PIK3C2G: variants seen among roughly 807,000 people sequenced by gnomAD.
PIK3C2G encodes the protein phosphatidylinositol-4-phosphate 3-kinase catalytic subunit type 2 gamma.
In PIK3C2G, 168 loss-of-function variants were observed where a neutral mutation model predicts 181.1. The observed-to-expected ratio is 0.93, with a 90% CI of 0.82 to 1.05. PIK3C2G has a LOEUF of 1.05. PIK3C2G is among the 50% of genes least tolerant of loss of function. The pLI, the probability that PIK3C2G is intolerant of heterozygous loss-of-function variation, is 0.00. For synonymous variants in PIK3C2G, 573 were observed against 592.2 expected (o/e 0.97, Z 0.47); for missense variants, 1,869 against 1,732.8 (o/e 1.08, Z -1.40).
chr12:18,538,326 G>T lies in PIK3C2G; in HGVS notation c.3480+14G>T. On this transcript the variant is annotated intron_variant, in intron 25 of 32. Coordinates refer to ENST00000538779, the MANE Select transcript of PIK3C2G (RefSeq NM_001288772.2). ...CTGCTGGAAATGGTAAGTCCCTTGGGAAAAAAAAACAAAAATAATAAGCTT... is the reference window on the plus strand; with the variant it reads ...CTGCTGGAAATGGTAAGTCCCTTGGTAAAAAAAAACAAAAATAATAAGCTT... The T allele has an allele frequency of 6.6e-7, 1 of 1,512,246 alleles. No individual in the cohort carries two copies. The highest frequency in any genetic ancestry group is 8.9e-7 in the Non-Finnish European group (1 of 1,125,678). 93.7% of individuals were successfully genotyped at this position (1,512,246 alleles called of 1,614,324 possible).
rs1949661569 is a variant in PIK3C2G, at chr12:18,290,873, T to C, written c.780T>C (p.His260=). The C allele has an allele frequency of 1.2e-6, 2 of 1,603,160 alleles. No individual in the cohort carries two copies. The highest frequency in any genetic ancestry group is 1.7e-6 in the Non-Finnish European group (2 of 1,170,950). Residue 260 remains histidine, a synonymous_variant, in exon 4 of 33, where the codon CAT becomes CAC. Coordinates refer to ENST00000538779, the MANE Select transcript of PIK3C2G (RefSeq NM_001288772.2). ...TTTTCAGAATCAGAGAAAGATATCATGCAGCTGATGTTAATTTCAATTCTG... is the reference window on the plus strand; with the variant it reads ...TTTTCAGAATCAGAGAAAGATATCACGCAGCTGATGTTAATTTCAATTCTG... ...NKVKKIRERY[H]AADVNFNSGK... is the part of the protein sequence containing the mutation.
At chr12:18,596,156 A>G (rs1947348859) in intron 30 of PIK3C2G, among the ~76,000 whole-genome samples, 1 of 152,070 alleles carries the variant, frequency 6.6e-6, no homozygotes, top group Non-Finnish European at 1.5e-5. Context: ...GTAGCATGGC[A>G]TTTGTAAAAT....
chr12:18,490,616 G>A (rs1266211665), intron 19 of PIK3C2G, among the ~76,000 whole-genome samples: 2 of 152,080 alleles, frequency 1.3e-5, no homozygotes, highest in African/African-American at 4.8e-5. Flanking sequence ...TCACAGATAA[G>A]TGAGAACATG....
At chr12:18,380,058 CT>C (rs1317265301) in intron 13 of PIK3C2G, among the ~76,000 whole-genome samples, 1 of 152,176 alleles carries the variant, frequency 6.6e-6, no homozygotes, top group African/African-American at 2.4e-5. Flanking sequence ...AGGTGATTTC[CT>C]TCCAGGATCT....
chr12:18,710,656 G>A, the PIK3C2G span, among the ~76,000 whole-genome samples: 2 of 152,068 alleles, frequency 1.3e-5, no homozygotes, highest in East Asian at 1.9e-4. Context: ...TTAAATGAGA[G>A]GTGATGTTGG....
the PIK3C2G span, among the ~76,000 whole-genome samples, chr12:18,678,486 G>A: frequency 6.6e-6 from 1 of 152,036 alleles, no homozygotes; most frequent in South Asian, 2.1e-4. Flanking sequence ...AAAATTTCTT[G>A]TGGCTCCTTT....
At chr12:18,321,217 G>T (rs1166614538) in intron 7 of PIK3C2G, among the ~76,000 whole-genome samples, 185 bp downstream of exon 7, 1 of 152,160 alleles carries the variant, frequency 6.6e-6, no homozygotes, top group Admixed American at 6.5e-5. Flanking sequence ...CATATTTGAA[G>T]AGCTGCTAAC....
chr12:18,452,419 C>T (rs1947412543), intron 18 of PIK3C2G, among the ~76,000 whole-genome samples: 1 of 151,326 alleles, frequency 6.6e-6, no homozygotes. Context: ...TGGTGATATC[C>T]CCTTTATCAT....
chr12:18,634,983 C>G (rs1949524173), intron 31 of PIK3C2G, among the ~76,000 whole-genome samples: 1 of 152,186 alleles, frequency 6.6e-6, no homozygotes, highest in African/African-American at 2.4e-5. Context: ...AAACCACTGG[C>G]TGCAACCCAT....
chr12:18,491,587 G>T (rs1940573703), intron 20 of PIK3C2G, 29 bp downstream of exon 20: 3 of 1,242,632 alleles, frequency 2.4e-6, no homozygotes, highest in South Asian at 2.5e-5. Flanking sequence ...CAGATTAATG[G>T]AATATTTCTG....
the PIK3C2G span, among the ~76,000 whole-genome samples, chr12:18,699,483 C>T: frequency 6.6e-6 from 1 of 152,104 alleles, no homozygotes; most frequent in Non-Finnish European, 1.5e-5. Context: ...TTCGGCTCTG[C>T]CTCCCTCTGC....
At chr12:18,539,997 C>T (rs1781189514) in intron 25 of PIK3C2G, among the ~76,000 whole-genome samples, 1 of 151,552 alleles carries the variant, frequency 6.6e-6, no homozygotes, top group Non-Finnish European at 1.5e-5. Context: ...GTCTGTACCA[C>T]AAACAAACAA....
At chr12:18,683,476 A>G in the PIK3C2G span, 2 of 1,471,848 alleles carry the variant, frequency 1.4e-6, no homozygotes, top group South Asian at 1.2e-5. Flanking sequence ...AATCTTCCAC[A>G]AAAATTAAAT....
At chr12:18,521,342 A>C (rs2136182327) in intron 24 of PIK3C2G, among the ~76,000 whole-genome samples, 1 of 152,310 alleles carries the variant, frequency 6.6e-6, no homozygotes, top group South Asian at 2.1e-4. Flanking sequence ...CTTCAGAACT[A>C]GCAGGAGGAA....
intron 1 of PIK3C2G, among the ~76,000 whole-genome samples, chr12:18,281,392 T>C (rs1209204073): frequency 1.3e-5 from 2 of 150,974 alleles, no homozygotes; most frequent in Non-Finnish European, 3.0e-5. Context: ...CGGTATCAAA[T>C]CCTGTGAAGA....
the PIK3C2G span, among the ~76,000 whole-genome samples, chr12:18,724,101 A>G: frequency 6.6e-6 from 1 of 152,122 alleles, no homozygotes; most frequent in African/African-American, 2.4e-5. Flanking sequence ...CAAGTTGTTA[A>G]AAGTACCAGG....
intron 29 of PIK3C2G, among the ~76,000 whole-genome samples, chr12:18,572,522 G>A (rs1290843861): frequency 1.3e-5 from 2 of 151,086 alleles, no homozygotes; most frequent in African/African-American, 4.8e-5. Context: ...TACATATCTG[G>A]TTTTGTTTTT....
At chr12:18,269,209 C>A (rs998487191) in intron 1 of PIK3C2G, among the ~76,000 whole-genome samples, 5 of 152,014 alleles carry the variant, frequency 3.3e-5, no homozygotes, top group Non-Finnish European at 7.4e-5. Context: ...ACTGTGCCAG[C>A]TGAAACTTAG....
chr12:18,382,916 TA>T (rs1942934685), intron 14 of PIK3C2G, among the ~76,000 whole-genome samples: 2 of 152,086 alleles, frequency 1.3e-5, no homozygotes, highest in Non-Finnish European at 2.9e-5. Flanking sequence ...TTAATGCTAC[TA>T]AAATATGGCA....
Sources: gnomAD v4.1 joint callset for allele counts (sites outside exome capture counted in the v4.1 genomes callset) on GRCh38, gnomAD v4.1.1 for gene constraint, MANE v1.5 for transcripts, NCBI Gene and HGNC (gene_info 2026-07-23, HGNC 2026-07-21) for gene names.